ARMH4: variants seen among roughly 807,000 people sequenced by gnomAD.
ARMH4 encodes armadillo like helical domain containing 4.
Under a neutral mutation model 61.9 loss-of-function variants are expected in ARMH4, and 49 were observed. That is an observed-to-expected ratio of 0.79 (90% CI 0.63 to 1.00). The LOEUF is 1.00. Ranked by LOEUF, ARMH4 falls within the 50% of genes least tolerant of loss-of-function variation. The pLI is 0.00. For synonymous variants in ARMH4, 368 were observed against 341.5 expected (o/e 1.08, Z -0.85); for missense variants, 934 against 930.0 (o/e 1.00, Z -0.06).
chr14:58,147,952 G>C lies in ARMH4; in HGVS notation c.-57+4123C>G, dbSNP rs1241215058. On this transcript the variant is annotated intron_variant, in intron 1 of 7. Transcript: ENST00000267485. ...ATTGCCAAAATCCATCTCTAATAAGGCAACCCCATACCACTGGTGCCCAGT... is the reference window on the plus strand; with the variant it reads ...ATTGCCAAAATCCATCTCTAATAAGCCAACCCCATACCACTGGTGCCCAGT... Among the ~76,000 whole-genome samples the C allele has an allele frequency of 2.6e-5, 4 of 152,206 alleles. No individual in the cohort carries two copies. The South Asian group carries it at 6.2e-4, about 24-fold the overall frequency.
At chr14:58,113,593 T>C (rs1000190546) in intron 4 of ARMH4, among the ~76,000 whole-genome samples, 1 of 152,050 alleles carries the variant, frequency 6.6e-6, no homozygotes, top group Non-Finnish European at 1.5e-5. Context: ...GTTATCTCCG[T>C]ATCTCTTCCA....
At chr14:58,019,869 G>C (rs978620470) in intron 5 of ARMH4, among the ~76,000 whole-genome samples, 24 of 152,086 alleles carry the variant, frequency 1.6e-4, no homozygotes, top group Non-Finnish European at 3.2e-4. Flanking sequence ...TGTTTTAATG[G>C]GCTGTGGCTG....
In ARMH4 at chr14:58,011,785, G is replaced by C. The variant is rs1471464812; in HGVS notation, c.2121+334C>G. ...TATTAGAAAAAAAAAAAAAAAAACA[G>C]ATGGAATGAGATGACAATCCTGAAA... On this transcript the variant is annotated intron_variant, in intron 6 of 7. Coordinates refer to ENST00000267485, the MANE Select transcript of ARMH4 (RefSeq NM_001001872.4). Among the ~76,000 whole-genome samples the C allele has an allele frequency of 7.8e-5, 10 of 127,850 alleles. No individual in the cohort carries two copies. In the East Asian group the frequency reaches 1.5e-3, roughly 19 times the overall value. The allele number at this position is 127,850 out of a possible 152,430, so 83.9% of individuals were successfully genotyped here. A position where few individuals can be genotyped will look rare whatever the true frequency, so the allele number is the denominator to read the frequency against.
intron 4 of ARMH4, among the ~76,000 whole-genome samples, chr14:58,123,354 G>T (rs1886790164): frequency 6.6e-6 from 1 of 152,122 alleles, no homozygotes; most frequent in Admixed American, 6.5e-5. Flanking sequence ...AAAGGATTCT[G>T]CCTCCTTTCC....
chr14:58,124,349 T>C (rs1359652230), intron 4 of ARMH4, among the ~76,000 whole-genome samples: 2 of 152,190 alleles, frequency 1.3e-5, no homozygotes, highest in Admixed American at 1.3e-4. Flanking sequence ...AGGGACAAGC[T>C]TGCAACCCAT....
intron 6 of ARMH4, among the ~76,000 whole-genome samples, chr14:58,008,445 A>G (rs1882266413): frequency 1.3e-5 from 2 of 152,206 alleles, no homozygotes; most frequent in African/African-American, 4.8e-5. Context: ...ATTGCTAAAT[A>G]TACTTGTTTT....
intron 5 of ARMH4, among the ~76,000 whole-genome samples, chr14:58,083,602 A>AACAC (rs1885295577): frequency 6.6e-6 from 1 of 152,170 alleles, no homozygotes; most frequent in Admixed American, 6.5e-5. Context: ...CAAACAAACA[A>AACAC]ACTCCTTTCA....
At chr14:58,124,282 T>A (rs1240224898) in intron 4 of ARMH4, among the ~76,000 whole-genome samples, 1 of 152,224 alleles carries the variant, frequency 6.6e-6, no homozygotes, top group Non-Finnish European at 1.5e-5. Flanking sequence ...AGCAAGACTT[T>A]TCTTTATATG....
At chr14:58,114,362 T>C (rs1275739709) in intron 4 of ARMH4, among the ~76,000 whole-genome samples, 1 of 152,190 alleles carries the variant, frequency 6.6e-6, no homozygotes, top group Admixed American at 6.5e-5. Context: ...AGAGCACCGT[T>C]ACCTCTTCCT....
In ARMH4 at chr14:58,096,740, C is replaced by A. The variant is rs1157011692; in HGVS notation, c.2073G>T (p.Gln691His). 5.6e-6 allele frequency: 9 copies of A among 1,613,898 alleles called. No individual in the cohort carries two copies. The highest frequency in any genetic ancestry group is 1.7e-5 in the Admixed American group (1 of 59,970). ...GACTCTTACCCAGGCCTTGATTCTGCTGTTCCCACTCGAGGGCATCTGGCA... is the reference window on the plus strand; with the variant it reads ...GACTCTTACCCAGGCCTTGATTCTGATGTTCCCACTCGAGGGCATCTGGCA... Reference protein sequence around the residue: ...YQVPDALEWEQQNQGLVRSWM... With the variant: ...YQVPDALEWEHQNQGLVRSWM... Residue 691 changes from glutamine to histidine, a missense_variant, in exon 5 of 8, where the codon CAG becomes CAT. Transcript: ENST00000267485.
intron 5 of ARMH4, among the ~76,000 whole-genome samples, chr14:58,025,322 A>T (rs1295080931): frequency 6.6e-6 from 1 of 152,166 alleles, no homozygotes; most frequent in African/African-American, 2.4e-5. Context: ...CCCATATAGC[A>T]TTGTGTGAGA....
chr14:58,112,762 C>T (rs1234057592), intron 4 of ARMH4, among the ~76,000 whole-genome samples: 3 of 152,104 alleles, frequency 2.0e-5, no homozygotes, highest in Admixed American at 6.5e-5. Flanking sequence ...CTAGGTTATT[C>T]GTTAATTTCT....
At chr14:58,081,749 G>A (rs1025738300) in intron 5 of ARMH4, among the ~76,000 whole-genome samples, 6 of 151,268 alleles carry the variant, frequency 4.0e-5, no homozygotes, top group South Asian at 2.1e-4. Flanking sequence ...CTCATGATCC[G>A]CCCGCCTCGG....
chr14:58,113,063 C>A (rs1886406021), intron 4 of ARMH4, among the ~76,000 whole-genome samples: 1 of 152,170 alleles, frequency 6.6e-6, no homozygotes, highest in Non-Finnish European at 1.5e-5. Flanking sequence ...CATGAACCAG[C>A]ATATTCACAA....
At chr14:58,019,517 C>G (rs963766224) in intron 5 of ARMH4, among the ~76,000 whole-genome samples, 1 of 152,148 alleles carries the variant, frequency 6.6e-6, no homozygotes, top group Admixed American at 6.5e-5. Context: ...AGCAACTTGC[C>G]ACTCTCCTAG....
chr14:58,064,044 A>G (rs1394481210), intron 5 of ARMH4, among the ~76,000 whole-genome samples: 1 of 152,216 alleles, frequency 6.6e-6, no homozygotes. Context: ...TTTAACAAAG[A>G]TTTAGCTATA....
At chr14:58,015,908 T>C (rs1186206014) in intron 5 of ARMH4, among the ~76,000 whole-genome samples, 1 of 150,902 alleles carries the variant, frequency 6.6e-6, no homozygotes, top group East Asian at 1.9e-4. Context: ...AATTTAAATT[T>C]AAATTTAATA....
intron 5 of ARMH4, among the ~76,000 whole-genome samples, chr14:58,045,258 T>C (rs1883891556): frequency 6.6e-6 from 1 of 152,172 alleles, no homozygotes; most frequent in African/African-American, 2.4e-5. Flanking sequence ...GTGGCACATA[T>C]ACACCATGGA....
chr14:58,076,097 G>A (rs1045473040), intron 5 of ARMH4, among the ~76,000 whole-genome samples: 11 of 149,894 alleles, frequency 7.3e-5, no homozygotes, highest in Non-Finnish European at 1.5e-4. Context: ...GGAAGGGGAG[G>A]GGAAGGGGGA....
Sources: gnomAD v4.1 joint callset for allele counts (sites outside exome capture counted in the v4.1 genomes callset) on GRCh38, gnomAD v4.1.1 for gene constraint, MANE v1.5 for transcripts, NCBI Gene and HGNC (gene_info 2026-07-23, HGNC 2026-07-21) for gene names.